WDR49: variants seen among roughly 807,000 people sequenced by gnomAD.
WDR49 encodes the protein WD repeat domain 49.
Under a neutral mutation model 119.5 loss-of-function variants are expected in WDR49, and 107 were observed. The ratio of observed to expected loss-of-function variants is 0.90; its 90% CI spans 0.77 to 1.05. The LOEUF is 1.05. Among genes scored for constraint, WDR49 ranks in the 50% least tolerant of loss-of-function variants. The probability of loss-of-function intolerance (pLI) is 0.00; values close to 1 mark genes in which losing one functional copy is unlikely to be tolerated. For missense variants in WDR49, 1,240 were observed against 1,220.5 expected, an observed-to-expected ratio of 1.02 and a Z score of -0.24; for synonymous variants, 425 against 418.8, an observed-to-expected ratio of 1.01 and a Z score of -0.18.
intron 5 of WDR49, among the ~76,000 whole-genome samples, chr3:167,610,996 G>A (rs1232788154): frequency 6.6e-6 from 1 of 152,170 alleles, no homozygotes; most frequent in East Asian, 1.9e-4. Context: ...ATAGTCACCT[G>A]AAGGTACAAA....
chr3:167,596,902 A>T (rs1430844495), intron 7 of WDR49, among the ~76,000 whole-genome samples: 2 of 150,262 alleles, frequency 1.3e-5, no homozygotes, highest in East Asian at 1.9e-4. Context: ...ATAAATAAAT[A>T]AAGATGTTTG....
In WDR49 at chr3:167,532,967, A is replaced by G; in HGVS notation, c.1965T>C (p.Asp655=). The change falls in exon 12 of 19, where the codon GAT becomes GAC. Residue 655 remains aspartate (D), a synonymous_variant. Coordinates refer to ENST00000682715, the MANE Select transcript of WDR49 (RefSeq NM_001366157.1). ...PPQTLVTGSY[D]GEIVLWNNST... Reference sequence around the variant, plus strand: ...TATTGTTCCATAGAACAATTTCTCCATCATAACTCCCTACACAAGACAGGA... The same window carrying G: ...TATTGTTCCATAGAACAATTTCTCCGTCATAACTCCCTACACAAGACAGGA... The G allele has an allele frequency of 6.2e-7, 1 of 1,602,212 alleles. No individual in the cohort carries two copies. Among genetic ancestry groups the G allele is most frequent in the South Asian group, 1.1e-5 (1 of 89,890 alleles).
intron 7 of WDR49, among the ~76,000 whole-genome samples, chr3:167,580,153 A>G (rs1714460912): frequency 1.3e-5 from 2 of 152,276 alleles, no homozygotes; most frequent in African/African-American, 4.8e-5. Flanking sequence ...AATTTTTTTC[A>G]GAATGTGCAC....
Position 167,560,157 on chromosome 3 carries a change from A to G in WDR49, c.1581T>C (p.Phe527=). The part of the protein sequence containing the change: ...MIDTGQKIKQ[F]TGCHGNAEIS... ...TTTCTGCGTTGCCGTGGCAACCAGT[A>G]AACTGTTTGATTTTCTGCCCAGTGT... The change falls in exon 9 of 19, where the codon TTT becomes TTC. Residue 527 remains phenylalanine (F), a synonymous_variant. Coordinates refer to ENST00000682715, the MANE Select transcript of WDR49 (RefSeq NM_001366157.1). 1.9e-6 allele frequency: 3 copies of G among 1,614,204 alleles called. No individual in the cohort carries two copies. The highest frequency in any genetic ancestry group is 2.5e-6 in the Non-Finnish European group (3 of 1,180,032).
At chr3:167,580,303 CA>C (rs916523478) in intron 7 of WDR49, among the ~76,000 whole-genome samples, 2 of 152,108 alleles carry the variant, frequency 1.3e-5, no homozygotes, top group African/African-American at 4.8e-5. Context: ...TAAGCAACAG[CA>C]TTGAAGTACA....
At chr3:167,600,854 T>G (rs1304624838) in intron 7 of WDR49, among the ~76,000 whole-genome samples, 4 of 152,090 alleles carry the variant, frequency 2.6e-5, no homozygotes, top group Non-Finnish European at 1.5e-5. Context: ...GATAATAATT[T>G]GATATGATTG....
chr3:167,627,841 G>T (rs1717201819), intron 2 of WDR49, among the ~76,000 whole-genome samples: 1 of 151,972 alleles, frequency 6.6e-6, no homozygotes, highest in Non-Finnish European at 1.5e-5. Context: ...TTGCTTTATT[G>T]TACTTTGCCG....
intron 7 of WDR49, among the ~76,000 whole-genome samples, chr3:167,589,362 A>T (rs1714990471): frequency 6.6e-6 from 1 of 152,130 alleles, no homozygotes. Flanking sequence ...ATTTGAAGTC[A>T]GTTAGTGTGA....
intron 5 of WDR49, among the ~76,000 whole-genome samples, chr3:167,610,239 G>T (rs1005312275): frequency 2.6e-5 from 4 of 152,144 alleles, no homozygotes; most frequent in African/African-American, 9.7e-5. Flanking sequence ...CAGGCTCTTA[G>T]GGTCCCCAAT....
At chr3:167,493,251 C>T (rs1751221516) in intron 18 of WDR49, among the ~76,000 whole-genome samples, 1 of 152,180 alleles carries the variant, frequency 6.6e-6, no homozygotes. Context: ...GCAGGTAAGG[C>T]TTCTCCAGAA....
At chr3:167,576,828 A>G (rs1251382494) in intron 7 of WDR49, among the ~76,000 whole-genome samples, 1 of 152,208 alleles carries the variant, frequency 6.6e-6, no homozygotes, top group East Asian at 1.9e-4. Flanking sequence ...CTAGCAATAG[A>G]AAACTAATAC....
At chr3:167,556,789 G>T (rs1363432581) in intron 9 of WDR49, among the ~76,000 whole-genome samples, 1 of 152,100 alleles carries the variant, frequency 6.6e-6, no homozygotes, top group Non-Finnish European at 1.5e-5. Flanking sequence ...CACTTTGGGA[G>T]GCTGAGGCGG....
intron 7 of WDR49, among the ~76,000 whole-genome samples, chr3:167,588,417 AGT>A (rs1257043077): frequency 2.0e-5 from 3 of 152,202 alleles, no homozygotes; most frequent in Admixed American, 6.5e-5. Flanking sequence ...CAAACATGGA[AGT>A]GCAGATATCT....
upstream of WDR49, among the ~76,000 whole-genome samples, chr3:167,657,539 C>G (rs543353215): frequency 2.0e-5 from 3 of 150,616 alleles, no homozygotes; most frequent in Admixed American, 6.6e-5. Flanking sequence ...TCTCCTCCCC[C>G]CCCACAATTT....
chr3:167,582,839 A>G (rs755972886), intron 7 of WDR49, among the ~76,000 whole-genome samples: 37 of 151,956 alleles, frequency 2.4e-4, no homozygotes, highest in Non-Finnish European at 8.8e-5. Context: ...TTCCAGCTAC[A>G]TGGGAGGCTG....
At position 167,500,236 on chromosome 3, in the gene WDR49, A is replaced by G. The variant is rs370918863; in HGVS notation, c.2948T>C (p.Phe983Ser). ...EELPEVNKPA[F>S]LLDPEKYFRK... ...AAAGTATTTCTCAGGGTCTAGAAGG[A>G]AAGCAGGTTTATTCACTTCAGGCAG... is the stretch of plus-strand genomic sequence containing the variant. Residue 983 changes from phenylalanine to serine, a missense_variant, in exon 18 of 19, where the codon TTC (phenylalanine) becomes TCC (serine). Coordinates refer to ENST00000682715, the MANE Select transcript of WDR49 (RefSeq NM_001366157.1). 6.2e-7 allele frequency: 1 copy of G among 1,606,262 alleles called. No individual in the cohort carries two copies. Among genetic ancestry groups the G allele is most frequent in the Non-Finnish European group, 8.5e-7 (1 of 1,177,828 alleles).
rs895355531 is a variant in WDR49 at position 167,555,045 on chromosome 3, G to A, written c.1675-247C>T. ...ATAAGATAGTATTTAGTATGCTAAT[G>A]ACATGACTCCAGGCTGGGGAGCCCT... On this transcript the variant is annotated intron_variant, in intron 9 of 18. Coordinates refer to ENST00000682715, the MANE Select transcript of WDR49 (RefSeq NM_001366157.1). 2.0e-5 allele frequency among the ~76,000 whole-genome samples: 3 copies of A among 152,106 alleles called. No homozygotes were observed. The East Asian group carries it at 5.8e-4, about 29-fold the overall frequency.
At chr3:167,643,490 G>A (rs1717976677) in intron 2 of WDR49, among the ~76,000 whole-genome samples, 1 of 152,078 alleles carries the variant, frequency 6.6e-6, no homozygotes, top group Non-Finnish European at 1.5e-5. Flanking sequence ...AAAGAGATGT[G>A]TCAACTAAAG....
chr3:167,649,310 G>GT (rs1372468632), intron 2 of WDR49, among the ~76,000 whole-genome samples: 1 of 151,482 alleles, frequency 6.6e-6, no homozygotes, highest in African/African-American at 2.4e-5. Context: ...AGAAGGACAA[G>GT]TTAAAAAAAA....
Sources: gnomAD v4.1 joint callset for allele counts (sites outside exome capture counted in the v4.1 genomes callset) on GRCh38, gnomAD v4.1.1 for gene constraint, MANE v1.5 for transcripts, NCBI Gene and HGNC (gene_info 2026-07-23, HGNC 2026-07-21) for gene names.